The following KCNAB1 variants were observed in gnomAD, a reference collection of about 807,000 sequenced individuals.
The protein encoded by KCNAB1 is potassium voltage-gated channel subfamily A regulatory beta subunit 1.
In KCNAB1, 35 loss-of-function variants were observed where a neutral mutation model predicts 64.6. The ratio of observed to expected loss-of-function variants is 0.54; its 90% confidence interval spans 0.41 to 0.72. KCNAB1 has a LOEUF of 0.72. KCNAB1 is among the 30% of genes least tolerant of loss of function. KCNAB1 has a pLI of 0.00. For missense variants in KCNAB1, 401 were observed against 512.9 expected (o/e 0.78, Z 2.11); for synonymous variants, 177 against 183.8 (o/e 0.96, Z 0.30).
intron 1 of KCNAB1, among the ~76,000 whole-genome samples, chr3:156,273,220 G>C (rs938725733): frequency 2.8e-4 from 42 of 152,030 alleles, no homozygotes; most frequent in African/African-American, 1.0e-3. Context: ...AGCTGCTCTG[G>C]CAGATGTCTA....
intron 13 of KCNAB1, among the ~76,000 whole-genome samples, chr3:156,535,273 C>T (rs934657149): frequency 1.8e-4 from 28 of 152,164 alleles, no homozygotes; most frequent in Admixed American, 1.3e-4. Flanking sequence ...AGGATTGCAA[C>T]AAAGGAAGAA....
At chr3:156,455,247 G>C (rs1284014836) in intron 3 of KCNAB1, among the ~76,000 whole-genome samples, 2 of 152,198 alleles carry the variant, frequency 1.3e-5, no homozygotes, top group African/African-American at 4.8e-5. Flanking sequence ...TCAACACAAA[G>C]TACATGCAAA....
At chr3:156,155,105 A>G (rs1226906169) in intron 1 of KCNAB1, among the ~76,000 whole-genome samples, 1 of 152,190 alleles carries the variant, frequency 6.6e-6, no homozygotes, top group Non-Finnish European at 1.5e-5. Flanking sequence ...AAATTATATG[A>G]TACATTGGTG....
chr3:156,285,100 A>G (rs1227429187), intron 1 of KCNAB1, among the ~76,000 whole-genome samples: 5 of 152,230 alleles, frequency 3.3e-5, no homozygotes, highest in African/African-American at 1.2e-4. Context: ...TGATTAATTG[A>G]AAATAAACAA....
intron 1 of KCNAB1, among the ~76,000 whole-genome samples, chr3:156,124,320 G>A (rs1484995810): frequency 6.6e-6 from 1 of 151,502 alleles, no homozygotes; most frequent in Admixed American, 6.6e-5. Flanking sequence ...GGGTTCGAGC[G>A]ATTCGCCTGC....
At chr3:156,536,537 G>T in intron 13 of KCNAB1, 121 bp from the exon 14 acceptor site, 1 of 735,196 alleles carries the variant, frequency 1.4e-6, no homozygotes, top group East Asian at 2.5e-5. Flanking sequence ...GGGGGGCTTA[G>T]ATTTCAGCTG....
chr3:156,334,722 G>A (rs970582813), intron 1 of KCNAB1, among the ~76,000 whole-genome samples: 2 of 151,970 alleles, frequency 1.3e-5, no homozygotes, highest in African/African-American at 2.4e-5. Flanking sequence ...AATCAACACC[G>A]GTTGGAAATC....
At chr3:156,461,161 G>C (rs1712879462) in intron 5 of KCNAB1, among the ~76,000 whole-genome samples, 1 of 152,178 alleles carries the variant, frequency 6.6e-6, no homozygotes, top group Admixed American at 6.5e-5. Context: ...AATAGAGACT[G>C]TATCCATTCG....
At chr3:156,172,947 T>C (rs1242601239) in intron 1 of KCNAB1, among the ~76,000 whole-genome samples, 1 of 152,238 alleles carries the variant, frequency 6.6e-6, no homozygotes, top group Non-Finnish European at 1.5e-5. Flanking sequence ...CCTTCTGTCA[T>C]CTGGCAGTTT....
At chr3:156,464,487 ATAAT>A (rs767448211) in intron 6 of KCNAB1, among the ~76,000 whole-genome samples, 6 of 150,026 alleles carry the variant, frequency 4.0e-5, no homozygotes, top group Admixed American at 1.3e-4. Flanking sequence ...TCGCAAAAAA[ATAAT>A]AATAATAATA....
chr3:156,444,031 T>G (rs1164151521), intron 2 of KCNAB1, among the ~76,000 whole-genome samples: 1 of 152,216 alleles, frequency 6.6e-6, no homozygotes. Context: ...ATTTGTCAAC[T>G]CTGGCCAGAT....
intron 1 of KCNAB1, among the ~76,000 whole-genome samples, chr3:156,307,870 G>A (rs986233392): frequency 3.3e-5 from 5 of 152,158 alleles, no homozygotes; most frequent in East Asian, 1.9e-4. Flanking sequence ...ATTCTTAACC[G>A]TATGATTTGG....
chr3:156,406,986 T>A (rs1030416816), intron 1 of KCNAB1, among the ~76,000 whole-genome samples: 1 of 152,166 alleles, frequency 6.6e-6, no homozygotes, highest in Non-Finnish European at 1.5e-5. Flanking sequence ...AGAGTATCAG[T>A]GTTCTTCTAA....
chr3:156,314,257 TATGTTAGGTGCGGTGTCAAAA>T (rs146975233), intron 1 of KCNAB1, among the ~76,000 whole-genome samples: 6,318 of 152,290 alleles, frequency 0.041, 444 homozygotes, highest in African/African-American at 0.15. Flanking sequence ...ATGTATTTGG[TATGTTAGGTGCGGTGTCAAAA>T]ATGTACAGGG....
intron 1 of KCNAB1, among the ~76,000 whole-genome samples, chr3:156,347,857 A>G (rs1724584674): frequency 6.6e-6 from 1 of 152,224 alleles, no homozygotes; most frequent in African/African-American, 2.4e-5. Context: ...TTCACACAGT[A>G]TGGATCTGGC....
At chr3:156,310,175 G>A (rs1347790947) in intron 1 of KCNAB1, among the ~76,000 whole-genome samples, 7 of 152,078 alleles carry the variant, frequency 4.6e-5, no homozygotes, top group South Asian at 2.1e-4. Context: ...AAAAAATGGG[G>A]TATTTCTCTC....
At chr3:156,424,569 T>A (rs1715692935) in intron 2 of KCNAB1, among the ~76,000 whole-genome samples, 1 of 152,176 alleles carries the variant, frequency 6.6e-6, no homozygotes, top group African/African-American at 2.4e-5. Context: ...AGGAACTACC[T>A]ATTAATGTAA....
At chr3:156,352,685 C>T (rs1481425237) in intron 1 of KCNAB1, among the ~76,000 whole-genome samples, 1 of 152,190 alleles carries the variant, frequency 6.6e-6, no homozygotes, top group Non-Finnish European at 1.5e-5. Context: ...CTTGGCGTCA[C>T]ACTCGATGGG....
chr3:156,125,096 C>T (rs768075778), intron 1 of KCNAB1, among the ~76,000 whole-genome samples: 1 of 151,822 alleles, frequency 6.6e-6, no homozygotes, highest in Non-Finnish European at 1.5e-5. Context: ...CGAGATTACT[C>T]CACTGCACTC....
Sources: gnomAD v4.1 joint callset for allele counts (sites outside exome capture counted in the v4.1 genomes callset) on GRCh38, gnomAD v4.1.1 for gene constraint, MANE v1.5 for transcripts, NCBI Gene and HGNC (gene_info 2026-07-23, HGNC 2026-07-21) for gene names.